KAZN: variants seen among roughly 807,000 people sequenced by gnomAD.
KAZN encodes the protein kazrin, periplakin interacting protein.
A neutral mutation model predicts 87.4 loss-of-function variants in KAZN; 40 were observed. The ratio of observed to expected loss-of-function variants is 0.46; its 90% CI spans 0.36 to 0.60. KAZN has a LOEUF of 0.60. Among genes scored for constraint, KAZN ranks in the 20% least tolerant of loss-of-function variants. The pLI, the probability that KAZN is intolerant of heterozygous loss-of-function variation, is 0.00. For missense variants in KAZN, 898 were observed against 1,073.9 expected, an observed-to-expected ratio of 0.84 and a Z score of 2.29; for synonymous variants, 466 against 458.3, an observed-to-expected ratio of 1.02 and a Z score of -0.22.
rs1405451191 is a variant in KAZN at position 14,029,615 on chromosome 1, G to A, written c.91+135859G>A. ...GGGTTTTTATGGTTTTAGGTCTAAC[G>A]TTTAAGTCTTTAATCCATCTCGAAT... On this transcript the variant is annotated intron_variant, in intron 1 of 16. Transcript: ENST00000636203. Among the ~76,000 whole-genome samples the A allele has an allele frequency of 1.5e-4, 22 of 151,134 alleles. 1 individual carries two copies. The East Asian group carries it at 2.1e-3, about 15-fold the overall frequency.
intron 2 of KAZN, among the ~76,000 whole-genome samples, chr1:14,496,277 C>T (rs1040294876): frequency 2.0e-5 from 3 of 152,116 alleles, no homozygotes. Context: ...TCTCTTCTTT[C>T]TGCTTATCAA....
At chr1:14,369,979 T>C (rs1176372552) in intron 2 of KAZN, among the ~76,000 whole-genome samples, 1 of 152,220 alleles carries the variant, frequency 6.6e-6, no homozygotes, top group Non-Finnish European at 1.5e-5. Flanking sequence ...TAAATCCTTG[T>C]ACTGTGGGTG....
chr1:14,371,416 C>G (rs939601349), intron 2 of KAZN, among the ~76,000 whole-genome samples: 2 of 152,124 alleles, frequency 1.3e-5, no homozygotes, highest in African/African-American at 4.8e-5. Flanking sequence ...AGGCTAAGCC[C>G]ACCCCCTGCA....
intron 1 of KAZN, among the ~76,000 whole-genome samples, chr1:14,032,496 C>A (rs768496555): frequency 6.6e-6 from 1 of 152,206 alleles, no homozygotes; most frequent in Non-Finnish European, 1.5e-5. Flanking sequence ...GTAGAATCCA[C>A]CAACCTCTGT....
At chr1:14,678,194 C>A (rs531454952) in intron 1 of KAZN, among the ~76,000 whole-genome samples, 5 of 152,242 alleles carry the variant, frequency 3.3e-5, no homozygotes, top group South Asian at 4.2e-4. Flanking sequence ...AAGACCCACC[C>A]ACAGGGTGGG....
intron 1 of KAZN, among the ~76,000 whole-genome samples, chr1:14,727,474 T>C (rs1391431167): frequency 0.26 from 20,069 of 76,982 alleles, 3,527 homozygotes; most frequent in Non-Finnish European, 0.34. Flanking sequence ...TTTTTTTTTT[T>C]TTTTTTTTTT....
At chr1:14,439,028 T>A (rs1376528843) in intron 2 of KAZN, among the ~76,000 whole-genome samples, 2 of 152,228 alleles carry the variant, frequency 1.3e-5, no homozygotes, top group Admixed American at 1.3e-4. Context: ...TAGTCCAGAC[T>A]CATCTTCTAA....
intron 1 of KAZN, among the ~76,000 whole-genome samples, chr1:14,879,607 C>T (rs1156944361): frequency 6.6e-6 from 1 of 152,270 alleles, no homozygotes; most frequent in African/African-American, 2.4e-5. Context: ...TACGAATAGA[C>T]TCGTTGGCTC....
At chr1:14,332,514 T>G (rs547099855) in intron 2 of KAZN, among the ~76,000 whole-genome samples, 1 of 152,336 alleles carries the variant, frequency 6.6e-6, no homozygotes, top group African/African-American at 2.4e-5. Flanking sequence ...CACATGGTTC[T>G]TTTGCTACTC....
At chr1:14,907,170 T>A (rs1351686565) in intron 1 of KAZN, among the ~76,000 whole-genome samples, 1 of 151,514 alleles carries the variant, frequency 6.6e-6, no homozygotes, top group Admixed American at 6.6e-5. Context: ...CCGAGGCTGG[T>A]GGATCACTTG....
At chr1:14,303,538 C>T (rs959653847) in intron 2 of KAZN, among the ~76,000 whole-genome samples, 3 of 152,194 alleles carry the variant, frequency 2.0e-5, no homozygotes, top group African/African-American at 7.2e-5. Context: ...CCACTGCGCC[C>T]AGACGGGAAT....
intron 2 of KAZN, among the ~76,000 whole-genome samples, chr1:14,556,939 T>G (rs927629283): frequency 9.2e-5 from 14 of 152,158 alleles, no homozygotes; most frequent in Non-Finnish European, 1.6e-4. Context: ...CAGAAAGCAA[T>G]AAATGGCAGA....
At chr1:14,164,474 G>GTGTGTGTA (rs1172991078) in intron 1 of KAZN, among the ~76,000 whole-genome samples, 2 of 150,518 alleles carry the variant, frequency 1.3e-5, no homozygotes, top group African/African-American at 4.9e-5. Flanking sequence ...GTGTGTGTGT[G>GTGTGTGTA]TGTGTGTTTG....
chr1:14,069,385 G>A lies in KAZN; in HGVS notation c.92-111050G>A, dbSNP rs180781146. Among the ~76,000 whole-genome samples, 4 of 152,300 alleles carry A rather than the reference G, an allele frequency of 2.6e-5. No individual in the cohort carries two copies. The East Asian group carries it at 7.7e-4, about 29-fold the overall frequency. On this transcript the variant is annotated intron_variant, in intron 1 of 16. Transcript: ENST00000636203. Reference sequence around the variant, plus strand: ...CGCGATTATCAAGTCGGGGAGGAGAGTGAAGGCCTTGTAAGCTGGATTTCA... The same window carrying A: ...CGCGATTATCAAGTCGGGGAGGAGAATGAAGGCCTTGTAAGCTGGATTTCA...
chr1:14,625,350 A>T (rs1220904351), intron 1 of KAZN, among the ~76,000 whole-genome samples: 1 of 152,168 alleles, frequency 6.6e-6, no homozygotes, highest in Non-Finnish European at 1.5e-5. Flanking sequence ...CCCCCCTCAC[A>T]CTGCAAAGCC....
chr1:14,807,147 T>G (rs1205885922), intron 1 of KAZN, among the ~76,000 whole-genome samples: 1 of 152,174 alleles, frequency 6.6e-6, no homozygotes, highest in Admixed American at 6.5e-5. Context: ...TCTATTTTGC[T>G]GGTGCAGATC....
At chr1:14,016,965 G>A (rs116372057) in intron 1 of KAZN, among the ~76,000 whole-genome samples, 3,426 of 152,290 alleles carry the variant, frequency 0.022, 126 homozygotes, top group African/African-American at 0.077. Context: ...CTTTGGCAGA[G>A]TTTTGGGACT....
At chr1:14,991,850 T>G (rs1364938320) in intron 2 of KAZN, among the ~76,000 whole-genome samples, 1 of 152,176 alleles carries the variant, frequency 6.6e-6, no homozygotes, top group Non-Finnish European at 1.5e-5. Context: ...ACCCCTGACT[T>G]CTGGAGAGAG....
At chr1:14,123,757 G>A (rs1004235055) in intron 1 of KAZN, among the ~76,000 whole-genome samples, 1 of 152,022 alleles carries the variant, frequency 6.6e-6, no homozygotes. Context: ...CTTCTGAGGT[G>A]CCCTCCCTTA....
Sources: allele counts gnomAD v4.1 joint callset (sites outside exome capture counted in the v4.1 genomes callset), GRCh38; gene constraint gnomAD v4.1.1; transcripts MANE v1.5; gene names NCBI Gene and HGNC (gene_info 2026-07-23, HGNC 2026-07-21).